The following NDFIP1 variants were observed in gnomAD, a reference collection of about 807,000 sequenced individuals.
The protein encoded by NDFIP1 is Nedd4 family interacting protein 1.
Under a neutral mutation model 28.8 loss-of-function variants are expected in NDFIP1, and 7 were observed. That is an observed-to-expected ratio of 0.24 (90% CI 0.14 to 0.46). NDFIP1 has a LOEUF of 0.46. NDFIP1 is among the 20% of genes least tolerant of loss of function. The pLI is 0.99. For synonymous variants in NDFIP1, 92 were observed against 101.0 expected (o/e 0.91, Z 0.53); for missense variants, 194 against 269.1 (o/e 0.72, Z 1.95).
At chr5:142,144,758 C>G (rs1757371235) in intron 7 of NDFIP1, 82 bp downstream of exon 7, 1 of 866,912 alleles carries the variant, frequency 1.2e-6, no homozygotes, top group Non-Finnish European at 1.9e-6. Context: ...GAGTAAGTAT[C>G]TGTGATAGGG....
intron 1 of NDFIP1, among the ~76,000 whole-genome samples, chr5:142,117,393 G>A (rs575780174): frequency 1.3e-5 from 2 of 151,730 alleles, no homozygotes; most frequent in Non-Finnish European, 2.9e-5. Flanking sequence ...ACAGGCGCCC[G>A]CTATCACGCC....
At chr5:142,145,508 C>G (rs1757379983) in intron 7 of NDFIP1, among the ~76,000 whole-genome samples, 1 of 152,076 alleles carries the variant, frequency 6.6e-6, no homozygotes, top group Non-Finnish European at 1.5e-5. Flanking sequence ...ACCTTGAGCA[C>G]CACCTAGAGG....
At chr5:142,130,707 A>AC (rs968136580) in intron 1 of NDFIP1, among the ~76,000 whole-genome samples, 2 of 151,842 alleles carry the variant, frequency 1.3e-5, no homozygotes, top group African/African-American at 2.4e-5. Flanking sequence ...AAAAAAAAAA[A>AC]AGTATGCAAG....
At chr5:142,136,209 T>G (rs1435156641) in intron 4 of NDFIP1, among the ~76,000 whole-genome samples, 1 of 152,194 alleles carries the variant, frequency 6.6e-6, no homozygotes, top group Non-Finnish European at 1.5e-5. Context: ...GTCAGCCTGA[T>G]TTTCTCCCTT....
intron 1 of NDFIP1, among the ~76,000 whole-genome samples, chr5:142,112,863 C>G (rs963575068): frequency 1.1e-4 from 17 of 150,954 alleles, no homozygotes; most frequent in African/African-American, 3.4e-4. Flanking sequence ...CCTTTTGAAA[C>G]TGAGACTGTC....
intron 1 of NDFIP1, among the ~76,000 whole-genome samples, chr5:142,118,134 A>G (rs1007958734): frequency 3.3e-5 from 5 of 152,212 alleles, no homozygotes; most frequent in African/African-American, 9.7e-5. Context: ...TCAGTATGGT[A>G]CGGTTTTCAC....
At chr5:142,123,785 G>A (rs1282131999) in intron 1 of NDFIP1, among the ~76,000 whole-genome samples, 2 of 152,148 alleles carry the variant, frequency 1.3e-5, no homozygotes, top group African/African-American at 4.8e-5. Flanking sequence ...AGGGAGCCAG[G>A]TGTGTAGTCT....
At chr5:142,110,884 C>G (rs1050834760) in intron 1 of NDFIP1, among the ~76,000 whole-genome samples, 2 of 151,292 alleles carry the variant, frequency 1.3e-5, no homozygotes, top group African/African-American at 2.4e-5. Context: ...TCATACCAAA[C>G]CCTTATGAAC....
At chr5:142,123,394 A>G (rs537555710) in intron 1 of NDFIP1, among the ~76,000 whole-genome samples, 1 of 152,224 alleles carries the variant, frequency 6.6e-6, no homozygotes. Flanking sequence ...TCAGCCTCCC[A>G]AAGTGCTGGG....
chr5:142,111,542 T>C (rs984996165), intron 1 of NDFIP1, among the ~76,000 whole-genome samples: 1 of 152,188 alleles, frequency 6.6e-6, no homozygotes, highest in Non-Finnish European at 1.5e-5. Flanking sequence ...TGATGGTGAA[T>C]TGTCCAGGCA....
intron 1 of NDFIP1, among the ~76,000 whole-genome samples, chr5:142,109,693 T>C (rs1187631243): frequency 2.0e-5 from 3 of 152,114 alleles, no homozygotes; most frequent in Non-Finnish European, 4.4e-5. Flanking sequence ...TGCTTGGAAG[T>C]GACGTTTTAA....
intron 7 of NDFIP1, among the ~76,000 whole-genome samples, chr5:142,149,457 CAA>C (rs1228143031): frequency 7.3e-5 from 4 of 55,068 alleles, no homozygotes; most frequent in Non-Finnish European, 1.3e-4. Context: ...TTTTTTTTTA[CAA>C]AGTGATCTGA....
At position 142,153,596 on chromosome 5, in the gene NDFIP1, G is replaced by A. The variant is rs1487650395; in HGVS notation, c.*1868G>A. 4 of 284,588 alleles carry A rather than the reference G, an allele frequency of 1.4e-5. No individual in the cohort carries two copies. In the Admixed American group the frequency reaches 1.8e-4, roughly 13 times the overall value. 17.6% of individuals were successfully genotyped at this position (284,588 alleles called of 1,614,324 possible). A position where few individuals can be genotyped will look rare whatever the true frequency, so the allele number is the denominator to read the frequency against. On this transcript the variant is annotated 3_prime_UTR_variant, in exon 8 of 8. Coordinates refer to ENST00000253814, the MANE Select transcript of NDFIP1 (RefSeq NM_030571.4). The stretch of plus-strand genomic sequence containing the variant: ...TAATAGAGAAGGGAGTTTTATGGAA[G>A]TTTCTTTGAAGATTTTTTTTTTTCC...
At position 142,132,095 on chromosome 5, in the gene NDFIP1, A is replaced by G. The variant is rs10515512; in HGVS notation, c.152-117A>G. The G allele has an allele frequency of 0.1, 130,500 of 1,246,824 alleles. 9,289 individuals are homozygous for G. The highest frequency in any genetic ancestry group is 0.37 in the East Asian group (14,982 of 40,892). The allele number at this position is 1,246,824 out of a possible 1,614,324, so 77.2% of individuals were successfully genotyped here. ...TCATCTAAGAATGTCTTTTGGTTCA[A>G]TTGTTATGTATGTACTCTTAAGGGA... is the stretch of plus-strand genomic sequence containing the variant. On this transcript the variant is annotated intron_variant, in intron 2 of 7. Coordinates refer to ENST00000253814, the MANE Select transcript of NDFIP1 (RefSeq NM_030571.4).
chr5:142,140,768 C>A, intron 6 of NDFIP1, 139 bp downstream of exon 6: 2 of 688,970 alleles, frequency 2.9e-6, no homozygotes, highest in Non-Finnish European at 4.5e-6. Flanking sequence ...TAAAATGTTG[C>A]TTTCTTAAAA....
At position 142,123,470 on chromosome 5, in the gene NDFIP1, A is replaced by G. The variant is rs553748235; in HGVS notation, c.64-8338A>G. 3.9e-5 allele frequency among the ~76,000 whole-genome samples: 6 copies of G among 152,214 alleles called. No individual in the cohort carries two copies. The South Asian group carries it at 1.2e-3, about 32-fold the overall frequency. On this transcript the variant is annotated intron_variant, in intron 1 of 7. Transcript: ENST00000253814. ...CTTGAATAGATGCCAGTTGTAGTCC[A>G]TGGTCTTTTGTGACTTTTTTTTCTC...
At chr5:142,137,389 T>C (rs1033918732) in intron 4 of NDFIP1, among the ~76,000 whole-genome samples, 1 of 152,278 alleles carries the variant, frequency 6.6e-6, no homozygotes, top group Admixed American at 6.5e-5. Context: ...CTCACTGTGG[T>C]GCTCAGGCTG....
At chr5:142,138,007 C>G (rs1346099110) in intron 5 of NDFIP1, 149 bp downstream of exon 5, 1 of 959,148 alleles carries the variant, frequency 1.0e-6, no homozygotes, top group Non-Finnish European at 1.5e-6. Flanking sequence ...TGAAGCTGAA[C>G]CAAAATCATT....
intron 1 of NDFIP1, among the ~76,000 whole-genome samples, chr5:142,112,259 C>T (rs928445332): frequency 6.6e-6 from 1 of 151,208 alleles, no homozygotes; most frequent in Non-Finnish European, 1.5e-5. Context: ...GTGGCGTGCA[C>T]CTGTAGTCCC....
Sources: allele counts gnomAD v4.1 joint callset (sites outside exome capture counted in the v4.1 genomes callset), GRCh38; gene constraint gnomAD v4.1.1; transcripts MANE v1.5; gene names NCBI Gene and HGNC (gene_info 2026-07-23, HGNC 2026-07-21).